Variants in TMEM132D observed in about 807,000 individuals in gnomAD.
TMEM132D encodes the protein mature OL transmembrane protein.
TMEM132D carries 21 observed loss-of-function variants against 62.3 expected under a neutral mutation model. That is an observed-to-expected ratio of 0.34 (90% CI 0.24 to 0.49). The LOEUF is 0.49. Ranked by LOEUF, TMEM132D falls within the 20% of genes least tolerant of loss-of-function variation. TMEM132D has a pLI of 0.99. For missense variants in TMEM132D, 1,346 were observed against 1,402.8 expected (o/e 0.96, Z 0.65); for synonymous variants, 621 against 575.6 (o/e 1.08, Z -1.13).
intron 2 of TMEM132D, among the ~76,000 whole-genome samples, chr12:129,533,074 C>T (rs577705483): frequency 8.0e-4 from 122 of 152,226 alleles, no homozygotes; most frequent in Non-Finnish European, 1.4e-3. Flanking sequence ...ACTGATTTGG[C>T]GAGTCCACAA....
intron 2 of TMEM132D, among the ~76,000 whole-genome samples, chr12:129,693,535 G>A (rs920743177): frequency 2.0e-5 from 3 of 152,076 alleles, no homozygotes; most frequent in Non-Finnish European, 4.4e-5. Flanking sequence ...GTAACTTTAC[G>A]GTGGAGAAAC....
At chr12:129,362,561 T>C (rs1408132959) in intron 3 of TMEM132D, among the ~76,000 whole-genome samples, 1 of 152,086 alleles carries the variant, frequency 6.6e-6, no homozygotes, top group Non-Finnish European at 1.5e-5. Context: ...GAAATGAAGA[T>C]ATATTTTATT....
intron 5 of TMEM132D, 22 bp downstream of exon 5, chr12:129,209,498 G>A: frequency 2.5e-6 from 4 of 1,612,972 alleles, no homozygotes; most frequent in Non-Finnish European, 1.7e-6. Flanking sequence ...GTTTCTGCAG[G>A]GGCGGGGAGG....
rs1464107756 is a variant in TMEM132D, at chr12:129,157,152, C to T, written c.1443+52368G>A. ...GCTAACCCACCCTTGAGATAACTCA[C>T]TCACTCCCATCATAACTAGCCTACT... is the stretch of plus-strand genomic sequence containing the variant. On this transcript the variant is annotated intron_variant, in intron 5 of 8. Transcript: ENST00000422113. 2.0e-5 allele frequency among the ~76,000 whole-genome samples: 3 copies of T among 152,188 alleles called. No individual in the cohort carries two copies. In the East Asian group the frequency reaches 5.8e-4, roughly 29 times the overall value.
intron 3 of TMEM132D, among the ~76,000 whole-genome samples, chr12:129,461,466 A>G (rs1873667477): frequency 6.6e-6 from 1 of 152,178 alleles, no homozygotes; most frequent in Admixed American, 6.5e-5. Context: ...ATGGACTGGT[A>G]TGAAAAACTA....
chr12:129,677,039 C>T (rs963685630), intron 2 of TMEM132D, among the ~76,000 whole-genome samples: 1 of 152,108 alleles, frequency 6.6e-6, no homozygotes, highest in East Asian at 1.9e-4. Flanking sequence ...TGTACATAAC[C>T]GAAGTCCCTT....
rs115326691 is a variant in TMEM132D, at chr12:129,751,768, C to T, written c.80-51070G>A. Among the ~76,000 whole-genome samples, 544 of 152,290 alleles carry T rather than the reference C, an allele frequency of 3.6e-3. 3 individuals are homozygous for T. The highest frequency in any genetic ancestry group is 0.012 in the African/African-American group (518 of 41,556). On this transcript the variant is annotated intron_variant, in intron 1 of 8. Transcript: ENST00000422113. The stretch of plus-strand genomic sequence containing the variant: ...TAACAAACTAGGATTTGCAACTTCG[C>T]TACAAACACCAGGATGACTTTGTCT...
intron 5 of TMEM132D, among the ~76,000 whole-genome samples, chr12:129,184,672 G>A (rs927613693): frequency 1.3e-5 from 2 of 152,226 alleles, no homozygotes; most frequent in Admixed American, 6.5e-5. Context: ...CTTGCGCTCT[G>A]GCGCCTGCGG....
intron 4 of TMEM132D, among the ~76,000 whole-genome samples, chr12:129,239,463 A>T (rs972005326): frequency 1.3e-5 from 2 of 152,226 alleles, no homozygotes; most frequent in African/African-American, 4.8e-5. Flanking sequence ...TGTTGATGAA[A>T]TGACTGAACA....
intron 3 of TMEM132D, among the ~76,000 whole-genome samples, chr12:129,497,042 T>C (rs953442118): frequency 2.6e-4 from 39 of 152,278 alleles, no homozygotes; most frequent in African/African-American, 8.4e-4. Flanking sequence ...GCGCAGTGGC[T>C]CACGCCTGTC....
chr12:129,161,911 G>A (rs550169024), intron 5 of TMEM132D, among the ~76,000 whole-genome samples: 10 of 152,328 alleles, frequency 6.6e-5, no homozygotes, highest in East Asian at 1.9e-4. Context: ...ATGACCCAGA[G>A]AGGGGGATTC....
At chr12:129,746,163 A>G (rs946599186) in intron 1 of TMEM132D, among the ~76,000 whole-genome samples, 2 of 152,236 alleles carry the variant, frequency 1.3e-5, no homozygotes, top group Non-Finnish European at 2.9e-5. Context: ...GAACGATGCA[A>G]TGAGAGAGAG....
At chr12:129,860,674 C>T (rs1327293726) in intron 1 of TMEM132D, among the ~76,000 whole-genome samples, 1 of 152,140 alleles carries the variant, frequency 6.6e-6, no homozygotes, top group Non-Finnish European at 1.5e-5. Flanking sequence ...AAAAACATAT[C>T]CGAGACTGGG....
At chr12:129,270,146 G>A (rs80238251) in intron 4 of TMEM132D, among the ~76,000 whole-genome samples, 10,255 of 152,186 alleles carry the variant, frequency 0.067, 543 homozygotes, top group Admixed American at 0.17. Flanking sequence ...TGCAGATAAG[G>A]TTGTCCTGCT....
intron 2 of TMEM132D, among the ~76,000 whole-genome samples, chr12:129,661,859 G>C (rs556400913): frequency 5.9e-5 from 9 of 152,270 alleles, no homozygotes; most frequent in African/African-American, 2.2e-4. Context: ...TACTGTCTAG[G>C]TGTGTTGTAT....
intron 2 of TMEM132D, among the ~76,000 whole-genome samples, chr12:129,617,283 C>G (rs757742303): frequency 6.6e-6 from 1 of 152,190 alleles, no homozygotes; most frequent in Non-Finnish European, 1.5e-5. Flanking sequence ...ATCCTAAAAA[C>G]AGAAACCCTA....
At chr12:129,213,043 T>C (rs566303140) in intron 4 of TMEM132D, among the ~76,000 whole-genome samples, 36 of 152,300 alleles carry the variant, frequency 2.4e-4, no homozygotes, top group Admixed American at 1.9e-3. Context: ...TAGGAGAGTG[T>C]GCAAGTGACA....
At chr12:129,834,724 C>T (rs573110948) in intron 1 of TMEM132D, among the ~76,000 whole-genome samples, 2 of 152,278 alleles carry the variant, frequency 1.3e-5, no homozygotes, top group African/African-American at 4.8e-5. Flanking sequence ...GGAACCCCGT[C>T]CACAGAGGGC....
At position 129,832,035 on chromosome 12, in the gene TMEM132D, C is replaced by CTTTTTTTTTT. The variant is rs71085577; in HGVS notation, c.79+71216_79+71225dup. Among the ~76,000 whole-genome samples the CTTTTTTTTTT allele has an allele frequency of 2.9e-4, 27 of 94,146 alleles. 1 individual carries two copies. The highest frequency in any genetic ancestry group is 4.6e-4 in the Non-Finnish European group (24 of 52,304). The allele number at this position is 94,146 out of a possible 152,430, so 61.8% of individuals were successfully genotyped here. ...CAGGCACCTGCCACCATGCCCGGCT[C>CTTTTTTTTTT]TTTTTTTTTTTTTTTTTTTTTTTTT... is the stretch of plus-strand genomic sequence containing the variant. On this transcript the variant is annotated intron_variant, in intron 1 of 8. Transcript: ENST00000422113.
Sources: gnomAD v4.1 joint callset for allele counts (sites outside exome capture counted in the v4.1 genomes callset) on GRCh38, gnomAD v4.1.1 for gene constraint, MANE v1.5 for transcripts, NCBI Gene and HGNC (gene_info 2026-07-23, HGNC 2026-07-21) for gene names.